The following CACNB2 variants were observed in gnomAD, a reference collection of about 807,000 sequenced individuals.
CACNB2 encodes voltage-dependent L-type calcium channel subunit beta-2.
A neutral mutation model predicts 73.3 loss-of-function variants in CACNB2; 42 were observed. The ratio of observed to expected loss-of-function variants is 0.57; its 90% CI spans 0.45 to 0.74. The LOEUF (loss-of-function observed/expected upper bound fraction) is 0.74, where lower values mean the gene tolerates loss of function less well. Among genes scored for constraint, CACNB2 ranks in the 30% least tolerant of loss-of-function variants. The pLI, the probability that CACNB2 is intolerant of heterozygous loss-of-function variation, is 0.00. For synonymous variants in CACNB2, 348 were observed against 310.3 expected (o/e 1.12, Z -1.28); for missense variants, 940 against 853.0 (o/e 1.10, Z -1.27).
chr10:18,211,473 C>G (rs575351427), intron 2 of CACNB2, among the ~76,000 whole-genome samples: 1 of 152,258 alleles, frequency 6.6e-6, no homozygotes, highest in South Asian at 2.1e-4. Context: ...GCTTCATGAG[C>G]TGGGTTTGTT....
chr10:18,191,079 G>A (rs760208046), intron 2 of CACNB2, among the ~76,000 whole-genome samples: 1 of 152,184 alleles, frequency 6.6e-6, no homozygotes, highest in Non-Finnish European at 1.5e-5. Context: ...GTCAGGAACT[G>A]GGAGAGTGAA....
At chr10:18,232,357 C>G (rs533826114) in intron 2 of CACNB2, among the ~76,000 whole-genome samples, 4 of 152,222 alleles carry the variant, frequency 2.6e-5, no homozygotes, top group Admixed American at 2.6e-4. Flanking sequence ...AATTTGTTCA[C>G]AGTTACTCAT....
intron 10 of CACNB2, among the ~76,000 whole-genome samples, chr10:18,528,992 A>G (rs2052737445): frequency 6.6e-6 from 1 of 151,730 alleles, no homozygotes; most frequent in African/African-American, 2.4e-5. Flanking sequence ...GGCACATGCC[A>G]CTACATTGGG....
At chr10:18,310,615 AAAAAAAAAAAAAAGT>A (rs1284249289) in intron 2 of CACNB2, among the ~76,000 whole-genome samples, 122 of 145,290 alleles carry the variant, frequency 8.4e-4, no homozygotes, top group African/African-American at 3.0e-3. Flanking sequence ...CAAAAAAAAA[AAAAAAAAAAAAAAGT>A]AAAAAAAAAA....
chr10:18,168,481 C>T (rs956061740), intron 2 of CACNB2, among the ~76,000 whole-genome samples: 1 of 148,334 alleles, frequency 6.7e-6, no homozygotes, highest in Admixed American at 6.8e-5. Flanking sequence ...TCTAGATTTA[C>T]ATCTTTCTTC....
chr10:18,411,138 GC>G (rs1175081103), intron 3 of CACNB2, among the ~76,000 whole-genome samples: 2 of 152,010 alleles, frequency 1.3e-5, no homozygotes, highest in Non-Finnish European at 2.9e-5. Flanking sequence ...TCAACTCTTT[GC>G]TTATAAGCAT....
chr10:18,162,035 C>G (rs1471631385), intron 2 of CACNB2, among the ~76,000 whole-genome samples: 1 of 152,156 alleles, frequency 6.6e-6, no homozygotes, highest in East Asian at 1.9e-4. Context: ...ATATGTGTGT[C>G]AGTACGTGTT....
At chr10:18,199,687 T>C (rs2034788822) in intron 2 of CACNB2, among the ~76,000 whole-genome samples, 1 of 152,196 alleles carries the variant, frequency 6.6e-6, no homozygotes, top group Admixed American at 6.5e-5. Context: ...TGGACTTTGA[T>C]TAGGGTAATC....
At chr10:18,297,953 G>C (rs775460150) in intron 2 of CACNB2, among the ~76,000 whole-genome samples, 1 of 152,162 alleles carries the variant, frequency 6.6e-6, no homozygotes, top group African/African-American at 2.4e-5. Context: ...GATAAAGAAA[G>C]GGAAGGAGAA....
At chr10:18,427,558 A>G (rs942886732) in intron 3 of CACNB2, among the ~76,000 whole-genome samples, 3 of 152,144 alleles carry the variant, frequency 2.0e-5, no homozygotes, top group African/African-American at 7.2e-5. Flanking sequence ...TGTTCTGATT[A>G]TGTATTCCTT....
chr10:18,253,165 G>A (rs748125772), intron 2 of CACNB2, among the ~76,000 whole-genome samples: 14 of 152,134 alleles, frequency 9.2e-5, no homozygotes, highest in Non-Finnish European at 1.9e-4. Flanking sequence ...AGCTAGTGAC[G>A]TGTTTAGAAT....
chr10:18,441,784 G>A lies in CACNB2; in HGVS notation c.333+39741G>A, dbSNP rs183813644. ...CAAGTAGCTGGGACTATAGGCATGC[G>A]CCACCACACCCAAATAATTTTTATA... On this transcript the variant is annotated intron_variant, in intron 3 of 13. Coordinates refer to ENST00000324631, the MANE Select transcript of CACNB2 (RefSeq NM_201596.3). 1.3e-3 allele frequency among the ~76,000 whole-genome samples: 197 copies of A among 152,144 alleles called. 3 individuals are homozygous for A. The highest frequency in any genetic ancestry group is 4.4e-3 in the African/African-American group (184 of 41,524).
chr10:18,460,411 C>G (rs932098654), intron 3 of CACNB2, among the ~76,000 whole-genome samples: 1 of 152,082 alleles, frequency 6.6e-6, no homozygotes, highest in Admixed American at 6.5e-5. Context: ...ATACACACAG[C>G]TCTGATAGTT....
At chr10:18,428,568 C>G (rs1007298995) in intron 3 of CACNB2, among the ~76,000 whole-genome samples, 1 of 151,968 alleles carries the variant, frequency 6.6e-6, no homozygotes, top group Admixed American at 6.6e-5. Flanking sequence ...CACCTGTAAT[C>G]CCAGCTACTC....
intron 3 of CACNB2, among the ~76,000 whole-genome samples, chr10:18,405,671 G>T (rs2044249351): frequency 6.6e-6 from 1 of 152,158 alleles, no homozygotes; most frequent in South Asian, 2.1e-4. Context: ...TGATAAGATA[G>T]ACTCAGCCAG....
Position 18,542,801 on chromosome 10 carries a change from C to G in CACNB2, c.*3077C>G, listed in dbSNP as rs2054120419. The G allele has an allele frequency of 6.6e-6, 1 of 151,470 alleles. No homozygotes were observed. Among genetic ancestry groups the G allele is most frequent in the African/African-American group, 2.4e-5 (1 of 41,200 alleles). 9.4% of individuals were successfully genotyped at this position (151,470 alleles called of 1,614,324 possible). On this transcript the variant is annotated 3_prime_UTR_variant, in exon 14 of 14. Transcript: ENST00000324631. ...GTAAAGTTACAGTCTTTTCACACAA[C>G]AAAGGCTTAACCTTAACCTACTCAG...
intron 2 of CACNB2, among the ~76,000 whole-genome samples, chr10:18,275,329 G>A (rs1462018196): frequency 6.6e-6 from 1 of 152,136 alleles, no homozygotes; most frequent in African/African-American, 2.4e-5. Flanking sequence ...ACTTTATCCT[G>A]TTAATGCCAA....
chr10:18,538,400 A>G (rs754059416), intron 13 of CACNB2, 35 bp downstream of exon 13: 19 of 1,581,000 alleles, frequency 1.2e-5, no homozygotes, highest in East Asian at 2.2e-5. Context: ...TATATATACA[A>G]TCTTCATAGA....
rs1395330697 is a variant in CACNB2 at position 18,541,158 on chromosome 10, C to CAGTT, written c.*1436_*1439dup. On this transcript the variant is annotated 3_prime_UTR_variant, in exon 14 of 14. Transcript: ENST00000324631. Reference sequence around the variant, plus strand: ...TTGTTCCTGTTGTTTGTTTACCTCCCAGTTACCTACCATTCCTCCCCACCA... The same window carrying CAGTT: ...TTGTTCCTGTTGTTTGTTTACCTCCCAGTTAGTTACCTACCATTCCTCCCCACCA... The CAGTT allele has an allele frequency of 2.0e-5, 3 of 152,714 alleles. No homozygotes were observed. Among genetic ancestry groups the CAGTT allele is most frequent in the African/African-American group, 7.2e-5 (3 of 41,440 alleles). The allele number at this position is 152,714 out of a possible 1,614,324, so 9.5% of individuals were successfully genotyped here.
Sources: gnomAD v4.1 joint callset for allele counts (sites outside exome capture counted in the v4.1 genomes callset) on GRCh38, gnomAD v4.1.1 for gene constraint, MANE v1.5 for transcripts, NCBI Gene and HGNC (gene_info 2026-07-23, HGNC 2026-07-21) for gene names.